The following PAPPA2 variants were observed in gnomAD, a reference collection of about 807,000 sequenced individuals.
PAPPA2 encodes the protein pappalysin-2.
A neutral mutation model predicts 176.4 loss-of-function variants in PAPPA2; 86 were observed. The observed-to-expected ratio is 0.49, with a 90% CI of 0.41 to 0.58. The LOEUF (loss-of-function observed/expected upper bound fraction) is 0.58. PAPPA2 is among the 20% of genes least tolerant of loss of function. PAPPA2 has a pLI of 0.00. For missense variants in PAPPA2, 2,073 were observed against 2,256.9 expected, an observed-to-expected ratio of 0.92 and a Z score of 1.65; for synonymous variants, 809 against 852.2, an observed-to-expected ratio of 0.95 and a Z score of 0.88.
intron 5 of PAPPA2, chr1:176,690,854 G>A (rs2102806063): frequency 1.0e-6 from 1 of 986,126 alleles, no homozygotes; most frequent in African/African-American, 1.8e-5. Context: ...TGTTTTTGAA[G>A]TTGGTCAACA....
chr1:176,753,563 T>TC (rs1663280362), intron 14 of PAPPA2, among the ~76,000 whole-genome samples: 1 of 149,156 alleles, frequency 6.7e-6, no homozygotes, highest in South Asian at 2.1e-4. Flanking sequence ...CCTTTTTTTT[T>TC]TTTTTTTTTT....
At chr1:176,732,523 G>A (rs968040129) in intron 12 of PAPPA2, among the ~76,000 whole-genome samples, 1 of 152,176 alleles carries the variant, frequency 6.6e-6, no homozygotes, top group African/African-American at 2.4e-5. Flanking sequence ...TATGGTGAAT[G>A]AAAGTATTAC....
chr1:176,838,036 T>C (rs982286931), intron 21 of PAPPA2, among the ~76,000 whole-genome samples: 3 of 152,180 alleles, frequency 2.0e-5, no homozygotes, highest in Non-Finnish European at 2.9e-5. Context: ...ATTTCTTCTC[T>C]TTTCTATAAA....
intron 3 of PAPPA2, among the ~76,000 whole-genome samples, chr1:176,638,911 G>A (rs539161064): frequency 6.7e-6 from 1 of 150,152 alleles, no homozygotes; most frequent in African/African-American, 2.5e-5. Context: ...TTAAGAAACT[G>A]TGGTGTGTGT....
chr1:176,816,705 C>T (rs1326337794), intron 21 of PAPPA2, among the ~76,000 whole-genome samples: 1 of 152,002 alleles, frequency 6.6e-6, no homozygotes, highest in African/African-American at 2.4e-5. Context: ...AGTGTTCACA[C>T]TTTGCCAGCT....
At chr1:176,601,541 A>C (rs917887470) in intron 3 of PAPPA2, among the ~76,000 whole-genome samples, 1 of 152,228 alleles carries the variant, frequency 6.6e-6, no homozygotes, top group Non-Finnish European at 1.5e-5. Flanking sequence ...GATATGAATT[A>C]CAGATACATT....
intron 9 of PAPPA2, among the ~76,000 whole-genome samples, chr1:176,705,093 G>T (rs1660822844): frequency 6.6e-6 from 1 of 151,968 alleles, no homozygotes; most frequent in African/African-American, 2.4e-5. Flanking sequence ...CATAGATGAA[G>T]GTTAATCCTC....
intron 2 of PAPPA2, among the ~76,000 whole-genome samples, chr1:176,566,518 C>T (rs980967264): frequency 6.6e-6 from 1 of 152,164 alleles, no homozygotes; most frequent in Non-Finnish European, 1.5e-5. Context: ...GCTCACCTCC[C>T]CATCCTCTGG....
chr1:176,582,712 A>T (rs1488087445), intron 2 of PAPPA2, among the ~76,000 whole-genome samples: 1 of 152,024 alleles, frequency 6.6e-6, no homozygotes, highest in Non-Finnish European at 1.5e-5. Flanking sequence ...ATTGGTAGGT[A>T]ATTTTCTTTT....
chr1:176,808,794 TTAATAA>T (rs1407559826), intron 21 of PAPPA2, among the ~76,000 whole-genome samples: 3 of 152,036 alleles, frequency 2.0e-5, no homozygotes, highest in Non-Finnish European at 4.4e-5. Flanking sequence ...TATAAAAAGA[TTAATAA>T]TAATAATACC....
chr1:176,789,068 C>G (rs192100570), intron 17 of PAPPA2, among the ~76,000 whole-genome samples: 1 of 152,224 alleles, frequency 6.6e-6, no homozygotes, highest in Non-Finnish European at 1.5e-5. Context: ...AGATGTGAGT[C>G]TTTTCCAAGA....
At chr1:176,795,831 A>G (rs904364761) in intron 20 of PAPPA2, among the ~76,000 whole-genome samples, 10 of 152,248 alleles carry the variant, frequency 6.6e-5, no homozygotes, top group Non-Finnish European at 1.0e-4. Flanking sequence ...CTTTAACACT[A>G]TATGAAATCT....
chr1:176,635,434 T>C (rs1485281266), intron 3 of PAPPA2, among the ~76,000 whole-genome samples: 1 of 152,194 alleles, frequency 6.6e-6, no homozygotes, highest in Non-Finnish European at 1.5e-5. Flanking sequence ...ACATTCAGGG[T>C]ACCACAGTGA....
chr1:176,759,026 C>T (rs921416146), intron 14 of PAPPA2, among the ~76,000 whole-genome samples: 2 of 152,226 alleles, frequency 1.3e-5, no homozygotes, highest in Non-Finnish European at 2.9e-5. Flanking sequence ...AGACCAGAAC[C>T]CAAGTCATGT....
chr1:176,749,945 C>A (rs1416619547), intron 14 of PAPPA2, among the ~76,000 whole-genome samples: 1 of 152,162 alleles, frequency 6.6e-6, no homozygotes, highest in Non-Finnish European at 1.5e-5. Flanking sequence ...TATCCACATG[C>A]AGGCTTTTCT....
At chr1:176,592,021 A>G (rs557792078) in intron 2 of PAPPA2, among the ~76,000 whole-genome samples, 1 of 152,324 alleles carries the variant, frequency 6.6e-6, no homozygotes, top group South Asian at 2.1e-4. Context: ...TAAGCTCTCA[A>G]TATGGCTTCA....
At chr1:176,676,716 T>C (rs1272419513) in intron 4 of PAPPA2, among the ~76,000 whole-genome samples, 1 of 147,940 alleles carries the variant, frequency 6.8e-6, no homozygotes, top group African/African-American at 2.5e-5. Flanking sequence ...ATATATGTGA[T>C]AAATTGCATA....
At chr1:176,670,184 C>A (rs1306365764) in intron 3 of PAPPA2, among the ~76,000 whole-genome samples, 1 of 152,172 alleles carries the variant, frequency 6.6e-6, no homozygotes, top group Non-Finnish European at 1.5e-5. Flanking sequence ...AGATCTTTGA[C>A]TATATATGAG....
intron 1 of PAPPA2, among the ~76,000 whole-genome samples, chr1:176,466,269 A>G (rs1465697019): frequency 1.3e-5 from 2 of 152,206 alleles, no homozygotes; most frequent in Non-Finnish European, 2.9e-5. Context: ...AACATCGGCC[A>G]AGCTACTGTG....
Sources: gnomAD v4.1 joint callset for allele counts (sites outside exome capture counted in the v4.1 genomes callset) on GRCh38, gnomAD v4.1.1 for gene constraint, MANE v1.5 for transcripts, NCBI Gene and HGNC (gene_info 2026-07-23, HGNC 2026-07-21) for gene names.